The following DEPDC1B variants were observed in gnomAD, a reference collection of about 807,000 sequenced individuals.
DEPDC1B encodes the protein DEP domain-containing protein 1B.
DEPDC1B carries 51 observed loss-of-function variants against 66.5 expected under a neutral mutation model. The observed-to-expected ratio is 0.77, with a 90% CI of 0.61 to 0.97. DEPDC1B has a LOEUF of 0.97. DEPDC1B is among the 50% of genes least tolerant of loss of function. The pLI is 0.00. For synonymous variants in DEPDC1B, 226 were observed against 223.6 expected (o/e 1.01, Z -0.10); for missense variants, 552 against 637.1 (o/e 0.87, Z 1.44).
chr5:60,685,793 C>G (rs1230098896), intron 2 of DEPDC1B, among the ~76,000 whole-genome samples: 1 of 152,160 alleles, frequency 6.6e-6, no homozygotes, highest in Non-Finnish European at 1.5e-5. Context: ...CATGTAGAAT[C>G]AGGGCTAAAA....
At chr5:60,659,858 T>G (rs1561379657) in intron 2 of DEPDC1B, among the ~76,000 whole-genome samples, 1 of 152,200 alleles carries the variant, frequency 6.6e-6, no homozygotes, top group African/African-American at 2.4e-5. Flanking sequence ...TCATTAGGCA[T>G]CTAAGCTATG....
At chr5:60,632,570 A>C (rs890987362) in intron 7 of DEPDC1B, among the ~76,000 whole-genome samples, 3 of 152,148 alleles carry the variant, frequency 2.0e-5, no homozygotes, top group African/African-American at 7.2e-5. Flanking sequence ...CACAAGACCA[A>C]AGCTGGACAG....
intron 7 of DEPDC1B, 47 bp from the exon 8 acceptor site, chr5:60,605,903 G>A: frequency 1.3e-6 from 2 of 1,509,298 alleles, no homozygotes; most frequent in Non-Finnish European, 8.9e-7. Context: ...CTATAGCCTA[G>A]TAGATTCTAT....
chr5:60,603,586 G>C lies in DEPDC1B; in HGVS notation c.1066-19C>G, dbSNP rs11740327. 2.6e-6 allele frequency: 4 copies of C among 1,565,234 alleles called. No homozygotes were observed. The highest frequency in any genetic ancestry group is 3.4e-6 in the Non-Finnish European group (4 of 1,162,420). ...GAACCATCTAAAAAAAGAGCGGGGT[G>C]GGGGGTAAACGCAGATGAGTATTTT... On this transcript the variant is annotated intron_variant, in intron 8 of 10. Transcript: ENST00000265036.
intron 2 of DEPDC1B, among the ~76,000 whole-genome samples, chr5:60,680,547 C>T (rs1584097946): frequency 6.6e-6 from 1 of 152,222 alleles, no homozygotes; most frequent in East Asian, 1.9e-4. Context: ...AATTCTCTAA[C>T]ATATATATGC....
intron 1 of DEPDC1B, among the ~76,000 whole-genome samples, chr5:60,698,464 A>G (rs1419079700): frequency 2.6e-5 from 4 of 152,226 alleles, no homozygotes; most frequent in Non-Finnish European, 2.9e-5. Context: ...TATCTGGCCC[A>G]GGTAACAGCC....
chr5:60,598,487 TC>T (rs1363828539), intron 10 of DEPDC1B, among the ~76,000 whole-genome samples: 2 of 152,182 alleles, frequency 1.3e-5, no homozygotes, highest in Non-Finnish European at 2.9e-5. Context: ...TAGAGTTCAG[TC>T]TTTAAAAACA....
At chr5:60,653,119 G>A (rs982242902) in intron 2 of DEPDC1B, among the ~76,000 whole-genome samples, 1 of 149,160 alleles carries the variant, frequency 6.7e-6, no homozygotes, top group African/African-American at 2.5e-5. Context: ...CCTCTGGGTC[G>A]ATACCCAGTT....
intron 2 of DEPDC1B, among the ~76,000 whole-genome samples, chr5:60,651,852 A>T (rs560722205): frequency 6.6e-5 from 10 of 152,350 alleles, no homozygotes; most frequent in African/African-American, 2.4e-4. Context: ...TGGTGAACAA[A>T]TTTCCCAGGA....
At chr5:60,660,956 A>G (rs976801947) in intron 2 of DEPDC1B, among the ~76,000 whole-genome samples, 1 of 152,248 alleles carries the variant, frequency 6.6e-6, no homozygotes, top group Admixed American at 6.5e-5. Flanking sequence ...AAGCAGAGTT[A>G]GGAAAATTGC....
chr5:60,666,865 A>G (rs1354902927), intron 2 of DEPDC1B, among the ~76,000 whole-genome samples: 1 of 152,186 alleles, frequency 6.6e-6, no homozygotes, highest in African/African-American at 2.4e-5. Context: ...CAGCACAAAG[A>G]CACATTTGTG....
chr5:60,604,215 A>ATTTTTTTTTTTTTTTTTTTT (rs1323826916), intron 8 of DEPDC1B, among the ~76,000 whole-genome samples: 3 of 60,082 alleles, frequency 5.0e-5, no homozygotes, highest in Non-Finnish European at 8.2e-5. Flanking sequence ...GAAATTAACT[A>ATTTTTTTTTTTTTTTTTTTT]TTCTTTTTTT....
chr5:60,685,035 C>T (rs1754381117), intron 2 of DEPDC1B, among the ~76,000 whole-genome samples: 1 of 152,180 alleles, frequency 6.6e-6, no homozygotes, highest in Admixed American at 6.5e-5. Context: ...TACCATCTCA[C>T]TTCAGTTAGA....
At position 60,684,410 on chromosome 5, in the gene DEPDC1B, A is replaced by G. The variant is rs185050580; in HGVS notation, c.314+2552T>C. Among the ~76,000 whole-genome samples the G allele has an allele frequency of 3.9e-4, 59 of 152,326 alleles. No individual in the cohort carries two copies. In the East Asian group the frequency reaches 7.9e-3, roughly 20 times the overall value. ...TGGTATAAAAATATACATAAACCAA[A>G]GGAACAGAAAAAAGAACTCAGAAAT... is the stretch of plus-strand genomic sequence containing the variant. On this transcript the variant is annotated intron_variant, in intron 2 of 10. Transcript: ENST00000265036.
intron 9 of DEPDC1B, among the ~76,000 whole-genome samples, chr5:60,601,402 A>C (rs1752196784): frequency 6.6e-6 from 1 of 152,256 alleles, no homozygotes; most frequent in South Asian, 2.1e-4. Flanking sequence ...AAGTAGGCAA[A>C]GGGGCAAAGA....
At position 60,652,203 on chromosome 5, in the gene DEPDC1B, T is replaced by C. The variant is rs149965805; in HGVS notation, c.315-4670A>G. On this transcript the variant is annotated intron_variant, in intron 2 of 10. Transcript: ENST00000265036. ...TTGCGCTTCATGCACCTTTCATGGG[T>C]TGCATGTTCAAAAAATGGTGGCATT... Among the ~76,000 whole-genome samples the C allele has an allele frequency of 1.2e-4, 18 of 149,382 alleles. 3 individuals carry two copies. The highest frequency in any genetic ancestry group is 4.5e-4 in the African/African-American group (18 of 39,784).
At chr5:60,633,358 T>A (rs150056184) in intron 7 of DEPDC1B, among the ~76,000 whole-genome samples, 7 of 152,298 alleles carry the variant, frequency 4.6e-5, no homozygotes, top group African/African-American at 1.4e-4. Flanking sequence ...AAGGAGAGGA[T>A]CTGCAAGACT....
intron 1 of DEPDC1B, among the ~76,000 whole-genome samples, chr5:60,693,445 G>A (rs1266790746): frequency 1.3e-5 from 2 of 152,104 alleles, no homozygotes; most frequent in African/African-American, 4.8e-5. Context: ...ACTTTACAAG[G>A]TTATTGTAAG....
chr5:60,618,344 C>T (rs1190061297), intron 7 of DEPDC1B, among the ~76,000 whole-genome samples: 5 of 152,010 alleles, frequency 3.3e-5, no homozygotes, highest in Non-Finnish European at 7.4e-5. Flanking sequence ...TCAATGAATC[C>T]AGGAGCTGGT....
Sources: allele counts gnomAD v4.1 joint callset (sites outside exome capture counted in the v4.1 genomes callset), GRCh38; gene constraint gnomAD v4.1.1; transcripts MANE v1.5; gene names NCBI Gene and HGNC (gene_info 2026-07-23, HGNC 2026-07-21).